PPP4R2: variants seen among roughly 807,000 people sequenced by gnomAD.
PPP4R2 encodes serine/threonine-protein phosphatase 4 regulatory subunit 2.
Under a neutral mutation model 47.2 loss-of-function variants are expected in PPP4R2, and 13 were observed. That is an observed-to-expected ratio of 0.28 (90% confidence interval 0.18 to 0.44). PPP4R2 has a LOEUF of 0.44. PPP4R2 is among the 20% of genes least tolerant of loss of function. The pLI, the probability that PPP4R2 is intolerant of heterozygous loss-of-function variation, is 1.00. For synonymous variants in PPP4R2, 151 were observed against 163.3 expected (o/e 0.92, Z 0.57); for missense variants, 421 against 491.2 (o/e 0.86, Z 1.35).
At chr3:73,005,656 C>T (rs1321226996) in intron 2 of PPP4R2, among the ~76,000 whole-genome samples, 3 of 152,026 alleles carry the variant, frequency 2.0e-5, no homozygotes, top group East Asian at 3.9e-4. Flanking sequence ...CAAGACCAGC[C>T]TGACCAACAT....
intron 2 of PPP4R2, among the ~76,000 whole-genome samples, chr3:73,006,303 A>T (rs535706197): frequency 2.9e-4 from 43 of 145,892 alleles, no homozygotes; most frequent in African/African-American, 1.1e-3. Context: ...GGTTCAAGCT[A>T]TTCTTCCGTC....
chr3:73,061,092 A>G (rs371972160), intron 5 of PPP4R2, 32 bp downstream of exon 5: 4 of 1,007,908 alleles, frequency 4.0e-6, no homozygotes, highest in South Asian at 1.8e-5. Context: ...CTAGTATATT[A>G]TTTACTATAT....
intron 3 of PPP4R2, among the ~76,000 whole-genome samples, chr3:73,052,715 TTTC>T (rs1186171896): frequency 1.2e-4 from 18 of 152,220 alleles, no homozygotes; most frequent in Admixed American, 1.2e-3. Flanking sequence ...GTCTTGACCC[TTTC>T]TTGTCATTGC....
At chr3:73,007,013 C>G (rs1019467668) in intron 2 of PPP4R2, among the ~76,000 whole-genome samples, 1 of 152,128 alleles carries the variant, frequency 6.6e-6, no homozygotes, top group African/African-American at 2.4e-5. Flanking sequence ...TGGTTCTGCT[C>G]TCTAGTTTGG....
chr3:73,018,431 A>ATGTT (rs372223323), intron 2 of PPP4R2, among the ~76,000 whole-genome samples: 3 of 94,828 alleles, frequency 3.2e-5, no homozygotes, highest in African/African-American at 4.5e-5. Flanking sequence ...ATGTTATGTT[A>ATGTT]TGTTATGTTA....
intron 2 of PPP4R2, among the ~76,000 whole-genome samples, chr3:73,023,358 G>T (rs1701998631): frequency 6.6e-6 from 1 of 152,004 alleles, no homozygotes; most frequent in Admixed American, 6.6e-5. Flanking sequence ...GGCTAATTTT[G>T]TATTTTTAGT....
chr3:73,057,179 A>T (rs933791323), intron 3 of PPP4R2, among the ~76,000 whole-genome samples: 1 of 152,050 alleles, frequency 6.6e-6, no homozygotes, highest in Non-Finnish European at 1.5e-5. Context: ...CGGACAGACA[A>T]TTGAGAAACT....
chr3:72,997,926 G>A (rs1472433694), intron 1 of PPP4R2, 151 bp from the exon 2 acceptor site: 12 of 649,560 alleles, frequency 1.8e-5, no homozygotes, highest in Non-Finnish European at 3.3e-5. Context: ...AGTAGAACTT[G>A]GAGGATTGAG....
At chr3:73,055,078 A>G (rs1054999612) in intron 3 of PPP4R2, among the ~76,000 whole-genome samples, 4 of 152,172 alleles carry the variant, frequency 2.6e-5, no homozygotes, top group Non-Finnish European at 4.4e-5. Flanking sequence ...GTGTGGTCCT[A>G]TTAATTAGGG....
intron 2 of PPP4R2, among the ~76,000 whole-genome samples, chr3:73,045,526 ATT>A (rs10659714): frequency 2.9e-5 from 4 of 139,396 alleles, no homozygotes; most frequent in African/African-American, 1.1e-4. Context: ...CATTCTCCTA[ATT>A]TTTTTTTTTT....
chr3:73,023,045 T>G (rs778858455), intron 2 of PPP4R2, among the ~76,000 whole-genome samples: 11 of 152,164 alleles, frequency 7.2e-5, no homozygotes, highest in Non-Finnish European at 1.5e-4. Context: ...TTCAGATCAT[T>G]ATGAGGATTT....
At chr3:73,009,956 T>C (rs1575842334) in intron 2 of PPP4R2, among the ~76,000 whole-genome samples, 1 of 152,354 alleles carries the variant, frequency 6.6e-6, no homozygotes, top group East Asian at 1.9e-4. Flanking sequence ...GCATTGCTTG[T>C]AATACATGTG....
intron 1 of PPP4R2, among the ~76,000 whole-genome samples, chr3:72,997,865 T>TG (rs1701382574): frequency 6.6e-6 from 1 of 152,114 alleles, no homozygotes; most frequent in African/African-American, 2.4e-5. Flanking sequence ...TGAAGTTGAG[T>TG]GCCCCCTTTA....
chr3:73,048,429 A>AT (rs1468293163), intron 3 of PPP4R2, among the ~76,000 whole-genome samples: 1 of 149,630 alleles, frequency 6.7e-6, no homozygotes, highest in African/African-American at 2.5e-5. Flanking sequence ...TAATTTTTTT[A>AT]TTTTTTAATA....
chr3:73,064,029 C>T lies in PPP4R2; in HGVS notation c.521C>T (p.Pro174Leu), dbSNP rs2306983. ...TCTAATATAAATGGGCCTGGGACACCCAGGCCACTTAATCGACCAAAGGTT... is the reference window on the plus strand; with the variant it reads ...TCTAATATAAATGGGCCTGGGACACTCAGGCCACTTAATCGACCAAAGGTT... ...ERSNINGPGTPRPLNRPKVSL... is the reference protein window; with the variant it reads ...ERSNINGPGTLRPLNRPKVSL... The change falls in exon 7 of 9, where the codon CCC becomes CTC. Residue 174 changes from proline to leucine, a missense_variant. By Grantham distance (98) the Pro-to-Leu change is moderately conservative. This residue lies in a region of PPP4R2 where 317 missense variants were observed against 287.5 expected (regional missense o/e 1.10). Coordinates refer to ENST00000356692, the MANE Select transcript of PPP4R2 (RefSeq NM_174907.4). 4.0e-4 allele frequency: 643 copies of T among 1,610,984 alleles called. 9 individuals carry two copies. In the East Asian group the frequency reaches 0.014, roughly 35 times the overall value.
chr3:73,008,899 A>G (rs1168919926), intron 2 of PPP4R2, among the ~76,000 whole-genome samples: 2 of 152,226 alleles, frequency 1.3e-5, no homozygotes, highest in African/African-American at 2.4e-5. Context: ...CGTAGTTACT[A>G]TATGACCAAG....
intron 2 of PPP4R2, among the ~76,000 whole-genome samples, chr3:73,026,910 G>A (rs1702077337): frequency 6.6e-6 from 1 of 152,084 alleles, no homozygotes; most frequent in Non-Finnish European, 1.5e-5. Flanking sequence ...TCCCAGCCCT[G>A]TTACTTATTA....
At chr3:73,014,585 A>T (rs142564938) in intron 2 of PPP4R2, among the ~76,000 whole-genome samples, 1 of 152,184 alleles carries the variant, frequency 6.6e-6, no homozygotes, top group Non-Finnish European at 1.5e-5. Context: ...GGCATGAGCC[A>T]TTGTGCAGAG....
At chr3:73,065,244 T>C (rs1702967390) in intron 8 of PPP4R2, 103 bp downstream of exon 8, 2 of 1,338,744 alleles carry the variant, frequency 1.5e-6, no homozygotes, top group Non-Finnish European at 2.0e-6. Flanking sequence ...CTCCTTATAA[T>C]GCTGATGTTG....
Sources: allele counts gnomAD v4.1 joint callset (sites outside exome capture counted in the v4.1 genomes callset), GRCh38; gene constraint gnomAD v4.1.1; regional missense constraint gnomAD v4.1.1; transcripts MANE v1.5; gene names NCBI Gene and HGNC (gene_info 2026-07-23, HGNC 2026-07-21).